The following UTRN variants were observed in gnomAD, a reference collection of about 807,000 sequenced individuals.
The protein encoded by UTRN is dystrophin-related protein 1.
Under a neutral mutation model 463.9 loss-of-function variants are expected in UTRN, and 283 were observed. The observed-to-expected ratio is 0.61, with a 90% CI of 0.55 to 0.67. The LOEUF (loss-of-function observed/expected upper bound fraction) is 0.67. Among genes scored for constraint, UTRN ranks in the 30% least tolerant of loss-of-function variants. The probability of loss-of-function intolerance (pLI) is 0.00; values close to 1 mark genes in which losing one functional copy is unlikely to be tolerated. For missense variants in UTRN, 3,922 were observed against 4,084.3 expected (o/e 0.96, Z 1.08); for synonymous variants, 1,442 against 1,431.5 (o/e 1.01, Z -0.17).
At position 144,697,444 on chromosome 6, in the gene UTRN, C is replaced by G. The variant is rs552622518; in HGVS notation, c.7653-2643C>G. 1.9e-4 allele frequency among the ~76,000 whole-genome samples: 29 copies of G among 152,204 alleles called. 1 individual carries two copies. Among genetic ancestry groups the G allele is most frequent in the African/African-American group, 6.7e-4 (28 of 41,572 alleles). On this transcript the variant is annotated intron_variant, in intron 52 of 74. Coordinates refer to ENST00000367545, the MANE Select transcript of UTRN (RefSeq NM_007124.3). The stretch of plus-strand genomic sequence containing the variant: ...AGTTTCTTCTTACAAAGCATTCGAC[C>G]TGTTGCCCAAGAAAAGGCTTTCATC...
Position 144,782,123 on chromosome 6 carries a change from C to A in UTRN, c.8834C>A (p.Thr2945Lys). ...CLNWLLNVYD[T>K]GRTGKIRVQS... is the part of the protein sequence containing the mutation. ...AATTGGTTGCTCAATGTCTATGACA[C>A]GTAAGTTTATATTTTTTCTCATTAA... Residue 2945 changes from threonine (T) to lysine (K), a missense_variant and splice_region_variant, in exon 61 of 75, where the codon ACG (threonine) becomes AAG (lysine). This residue lies in a region of UTRN where 1,309 missense variants were observed against 1,452.6 expected (regional missense o/e 0.90). Coordinates refer to ENST00000367545, the MANE Select transcript of UTRN (RefSeq NM_007124.3). 1 of 1,577,130 alleles carries A rather than the reference C, an allele frequency of 6.3e-7. No homozygotes were observed. The highest frequency in any genetic ancestry group is 8.7e-7 in the Non-Finnish European group (1 of 1,155,268).
chr6:144,346,023 C>T (rs1024750270), intron 2 of UTRN, among the ~76,000 whole-genome samples: 12 of 151,758 alleles, frequency 7.9e-5, no homozygotes, highest in African/African-American at 2.9e-4. Context: ...ACTAAAAATA[C>T]AAAAATTAGT....
intron 51 of UTRN, among the ~76,000 whole-genome samples, chr6:144,591,187 A>G (rs1373831684): frequency 6.6e-6 from 1 of 152,054 alleles, no homozygotes; most frequent in Non-Finnish European, 1.5e-5. Flanking sequence ...TCGCCCAGAG[A>G]ATTTTTCCAA....
In UTRN at chr6:144,412,585, G is replaced by GGA. The variant is rs146681078; in HGVS notation, c.142-9282_142-9281dup. Among the ~76,000 whole-genome samples the GGA allele has an allele frequency of 0.012, 1,839 of 151,746 alleles. 72 individuals carry two copies. The East Asian group carries it at 0.14, about 12-fold the overall frequency. On this transcript the variant is annotated intron_variant, in intron 3 of 74. Coordinates refer to ENST00000367545, the MANE Select transcript of UTRN (RefSeq NM_007124.3). ...CTTCTTGCAAAAAACAGATGAGGAG[G>GGA]GAGAGAGAGAGACCATAAAATTTAC...
At chr6:144,713,692 G>A (rs1388967581) in intron 53 of UTRN, among the ~76,000 whole-genome samples, 1 of 151,558 alleles carries the variant, frequency 6.6e-6, no homozygotes, top group East Asian at 1.9e-4. Flanking sequence ...AGGCTGAGGT[G>A]GGTGGATCAC....
intron 2 of UTRN, among the ~76,000 whole-genome samples, chr6:144,296,489 A>G (rs951945840): frequency 1.3e-5 from 2 of 152,192 alleles, no homozygotes; most frequent in African/African-American, 4.8e-5. Context: ...GCAGGGACCA[A>G]TACATCCCTG....
intron 42 of UTRN, among the ~76,000 whole-genome samples, chr6:144,532,735 G>A (rs1442842185): frequency 1.3e-5 from 2 of 152,174 alleles, no homozygotes; most frequent in Non-Finnish European, 2.9e-5. Flanking sequence ...ATGCCTTCAA[G>A]CACTTGCTTG....
At chr6:144,376,223 G>A (rs1015689705) in intron 2 of UTRN, among the ~76,000 whole-genome samples, 7 of 152,080 alleles carry the variant, frequency 4.6e-5, no homozygotes, top group Non-Finnish European at 7.3e-5. Context: ...TTGGGAGGCC[G>A]AGGTGGGTAG....
At chr6:144,325,057 T>C (rs9496930) in intron 2 of UTRN, among the ~76,000 whole-genome samples, 16,228 of 152,190 alleles carry the variant, frequency 0.11, 2,557 homozygotes, top group African/African-American at 0.33. Context: ...AAAAACTGAA[T>C]TCCAACTTGG....
chr6:144,778,043 G>C (rs1775488648), intron 60 of UTRN, among the ~76,000 whole-genome samples: 2 of 152,098 alleles, frequency 1.3e-5, no homozygotes, highest in South Asian at 4.2e-4. Flanking sequence ...ATAGAATGGG[G>C]AGCCATGAGG....
chr6:144,531,561 C>T (rs1797059117), intron 42 of UTRN, among the ~76,000 whole-genome samples: 2 of 152,012 alleles, frequency 1.3e-5, no homozygotes, highest in Admixed American at 1.3e-4. Flanking sequence ...TACTTAAACA[C>T]TTAGGCATCT....
chr6:144,613,982 C>T (rs374256738), intron 51 of UTRN, among the ~76,000 whole-genome samples: 10 of 152,116 alleles, frequency 6.6e-5, no homozygotes, highest in East Asian at 3.9e-4. Context: ...TCATTGATTT[C>T]TTCTTTCCTC....
Position 144,516,383 on chromosome 6 carries a change from A to G in UTRN, c.5399A>G (p.Glu1800Gly), listed in dbSNP as rs1795608530. 2 of 1,612,474 alleles carry G rather than the reference A, an allele frequency of 1.2e-6. No homozygotes were observed. The highest frequency in any genetic ancestry group is 4.5e-5 in the East Asian group (2 of 44,788). ...CACTTGGAATCCAGTGATGAAGATG[A>G]AAAGGTTGGTTCAAGGAGATTTCAA... is the stretch of plus-strand genomic sequence containing the variant. The part of the protein sequence containing the change: ...EKHLESSDED[E>G]KMDEESAQIE... Residue 1800 changes from glutamate to glycine, a missense_variant, in exon 38 of 75, where the codon GAA becomes GGA. By Grantham distance (98) the Glu-to-Gly change is moderately conservative. Transcript: ENST00000367545.
At chr6:144,704,939 C>A (rs368591289) in intron 53 of UTRN, among the ~76,000 whole-genome samples, 1 of 151,968 alleles carries the variant, frequency 6.6e-6, no homozygotes. Context: ...TCCAGCCTGG[C>A]GACACAGTGA....
chr6:144,814,353 C>T (rs1586682786), intron 65 of UTRN, among the ~76,000 whole-genome samples: 1 of 150,564 alleles, frequency 6.6e-6, no homozygotes, highest in Middle Eastern at 3.4e-3. Flanking sequence ...GTCTCCAGAA[C>T]TGTGAGAGAT....
chr6:144,519,728 A>G (rs12206968), intron 39 of UTRN, among the ~76,000 whole-genome samples: 2,311 of 152,240 alleles, frequency 0.015, 33 homozygotes, highest in African/African-American at 0.036. Context: ...AAAATCCTGG[A>G]TTGTCCTATA....
chr6:144,621,528 C>T (rs1775379564), intron 51 of UTRN, among the ~76,000 whole-genome samples: 1 of 152,254 alleles, frequency 6.6e-6, no homozygotes, highest in East Asian at 1.9e-4. Flanking sequence ...GCACTTATCT[C>T]GCTATGATGC....
At position 144,461,295 on chromosome 6, in the gene UTRN, G is replaced by C. The variant is rs760444076; in HGVS notation, c.2806G>C (p.Val936Leu). ...SENKAQVSLN[V>L]LNDLAKVEKA... ...AAATAAGGCCCAGGTGTCTCTGAAT[G>C]TCCTTAATGATCTTGCCAAGGTGGA... The change falls in exon 22 of 75, where the codon GTC becomes CTC. Residue 936 changes from valine (V) to leucine (L), a missense_variant. Val to Leu is a conservative substitution (Grantham distance 32). Around this residue, in one of 3 missense-constraint regions of UTRN, gnomAD observed 2,349 missense variants for 2,303.8 expected, o/e 1.02. Transcript: ENST00000367545. 6.2e-7 allele frequency: 1 copy of C among 1,600,416 alleles called. No individual in the cohort carries two copies. The highest frequency in any genetic ancestry group is 2.2e-5 in the East Asian group (1 of 44,718).
chr6:144,390,846 C>T (rs528513276), intron 2 of UTRN, among the ~76,000 whole-genome samples: 4 of 152,260 alleles, frequency 2.6e-5, no homozygotes, highest in African/African-American at 9.6e-5. Context: ...TAGTCCCTTC[C>T]CCACTCATCC....
Sources: allele counts gnomAD v4.1 joint callset (sites outside exome capture counted in the v4.1 genomes callset), GRCh38; gene constraint gnomAD v4.1.1; regional missense constraint gnomAD v4.1.1; transcripts MANE v1.5; gene names NCBI Gene and HGNC (gene_info 2026-07-23, HGNC 2026-07-21).